The following ESRRG variants were observed in gnomAD, a reference collection of about 807,000 sequenced individuals.
ESRRG encodes the protein estrogen-related receptor gamma.
Under a neutral mutation model 44.0 loss-of-function variants are expected in ESRRG, and 13 were observed. The observed-to-expected ratio is 0.30, with a 90% CI of 0.19 to 0.47. The LOEUF (loss-of-function observed/expected upper bound fraction) is 0.47, where lower values mean the gene tolerates loss of function less well. Ranked by LOEUF, ESRRG falls within the 20% of genes least tolerant of loss-of-function variation. The probability of loss-of-function intolerance (pLI) is 1.00; values close to 1 mark genes in which losing one functional copy is unlikely to be tolerated. For missense variants in ESRRG, 395 were observed against 580.6 expected (o/e 0.68, Z 3.29); for synonymous variants, 215 against 214.6 (o/e 1.00, Z -0.02).
At chr1:216,682,208 C>A (rs375513847) in intron 1 of ESRRG, among the ~76,000 whole-genome samples, 4 of 152,160 alleles carry the variant, frequency 2.6e-5, no homozygotes, top group South Asian at 4.1e-4. Context: ...GCATAAAATT[C>A]TCATAAGGAA....
At chr1:217,083,841 A>G (rs1313079815) in intron 1 of ESRRG, among the ~76,000 whole-genome samples, 2 of 152,220 alleles carry the variant, frequency 1.3e-5, no homozygotes, top group African/African-American at 4.8e-5. Context: ...TATATAGCCC[A>G]TGTTTACTAT....
intron 1 of ESRRG, among the ~76,000 whole-genome samples, chr1:216,705,978 G>T: frequency 6.6e-6 from 1 of 152,058 alleles, no homozygotes; most frequent in East Asian, 1.9e-4. Context: ...GGGGTGGGGT[G>T]GAAGTGGGGC....
upstream of ESRRG, among the ~76,000 whole-genome samples, chr1:217,093,016 G>T (rs72741502): frequency 0.028 from 4,315 of 152,248 alleles, 94 homozygotes; most frequent in Middle Eastern, 0.048. Context: ...GTATATAATT[G>T]TAGTACTTGA....
intron 2 of ESRRG, chr1:216,864,209 T>C (rs774548543): frequency 1.3e-5 from 2 of 152,116 alleles, no homozygotes; most frequent in African/African-American, 4.8e-5. Context: ...TTAACCCAGA[T>C]TGAATCACAG....
At chr1:217,036,589 C>T (rs775277018) in intron 1 of ESRRG, among the ~76,000 whole-genome samples, 16 of 152,152 alleles carry the variant, frequency 1.1e-4, no homozygotes, top group Non-Finnish European at 1.9e-4. Context: ...TGCATACTCT[C>T]ACTTACAAGT....
At chr1:216,925,311 C>A (rs1040153979) in intron 2 of ESRRG, among the ~76,000 whole-genome samples, 2 of 152,088 alleles carry the variant, frequency 1.3e-5, no homozygotes, top group South Asian at 2.1e-4. Context: ...ATGGTGTGCA[C>A]CTGCAGTCCC....
At chr1:216,543,704 C>T (rs913954878) in intron 5 of ESRRG, among the ~76,000 whole-genome samples, 6 of 151,920 alleles carry the variant, frequency 3.9e-5, no homozygotes, top group African/African-American at 1.4e-4. Flanking sequence ...AAAATAGTAT[C>T]CACCATCAGA....
chr1:216,722,138 A>G (rs915628641), intron 1 of ESRRG, among the ~76,000 whole-genome samples: 2 of 152,230 alleles, frequency 1.3e-5, no homozygotes, highest in African/African-American at 4.8e-5. Context: ...ACATCTACCT[A>G]TAATGCACTA....
intron 3 of ESRRG, among the ~76,000 whole-genome samples, chr1:216,598,299 T>C (rs1212591744): frequency 6.6e-6 from 1 of 152,208 alleles, no homozygotes; most frequent in Non-Finnish European, 1.5e-5. Flanking sequence ...AGGTTTAGCT[T>C]GGAACCTCTG....
At chr1:217,001,555 T>G (rs1018363479) in intron 1 of ESRRG, among the ~76,000 whole-genome samples, 3 of 152,188 alleles carry the variant, frequency 2.0e-5, no homozygotes, top group Non-Finnish European at 4.4e-5. Flanking sequence ...AGAAAAGACT[T>G]AAATTACAAA....
At chr1:216,604,206 G>A (rs1247464310) in intron 3 of ESRRG, among the ~76,000 whole-genome samples, 1 of 152,104 alleles carries the variant, frequency 6.6e-6, no homozygotes, top group African/African-American at 2.4e-5. Flanking sequence ...AACTGAACAG[G>A]GATTGTAACT....
chr1:216,984,205 G>A (rs1313731527), intron 1 of ESRRG, among the ~76,000 whole-genome samples: 1 of 152,114 alleles, frequency 6.6e-6, no homozygotes, highest in Non-Finnish European at 1.5e-5. Context: ...CCCCTGGCAG[G>A]AATATACTCT....
chr1:217,006,958 C>A (rs987068703), intron 1 of ESRRG, among the ~76,000 whole-genome samples: 1 of 152,086 alleles, frequency 6.6e-6, no homozygotes, highest in Non-Finnish European at 1.5e-5. Flanking sequence ...GCGATAAAGG[C>A]TAGCTTCCCC....
intron 3 of ESRRG, among the ~76,000 whole-genome samples, chr1:216,612,627 T>C (rs1397344509): frequency 1.3e-5 from 2 of 152,086 alleles, no homozygotes; most frequent in African/African-American, 4.8e-5. Context: ...GAAGAATCCA[T>C]ATAATCTGCT....
chr1:217,119,271 T>C (rs1295405193), intron 1 of ESRRG, among the ~76,000 whole-genome samples: 2 of 152,308 alleles, frequency 1.3e-5, no homozygotes, highest in East Asian at 1.9e-4. Flanking sequence ...TTAGCTTTGT[T>C]TCACCACAGA....
chr1:217,024,562 T>C (rs891785956), intron 1 of ESRRG, among the ~76,000 whole-genome samples: 1 of 152,076 alleles, frequency 6.6e-6, no homozygotes, highest in Non-Finnish European at 1.5e-5. Context: ...TGAGCATCAT[T>C]CAAAATCACC....
intron 6 of ESRRG, among the ~76,000 whole-genome samples, chr1:216,516,833 G>A (rs2044483270): frequency 6.6e-6 from 1 of 152,014 alleles, no homozygotes; most frequent in South Asian, 2.1e-4. Context: ...TTATTGCTGT[G>A]CTCCAAATAA....
intron 6 of ESRRG, among the ~76,000 whole-genome samples, chr1:216,514,545 C>T (rs185914054): frequency 6.6e-6 from 1 of 152,064 alleles, no homozygotes; most frequent in Non-Finnish European, 1.5e-5. Context: ...AGGAAGTGGG[C>T]ATGAAATTCT....
At chr1:216,788,900 G>C (rs1191014121) in intron 2 of ESRRG, among the ~76,000 whole-genome samples, 1 of 152,118 alleles carries the variant, frequency 6.6e-6, no homozygotes, top group Admixed American at 6.6e-5. Context: ...AGGAGCTGTA[G>C]TTGTGGTAGA....
Sources: allele counts gnomAD v4.1 joint callset (sites outside exome capture counted in the v4.1 genomes callset), GRCh38; gene constraint gnomAD v4.1.1; transcripts MANE v1.5; gene names NCBI Gene and HGNC (gene_info 2026-07-23, HGNC 2026-07-21).